Variants in CLOCK observed in about 807,000 individuals in gnomAD.
The protein encoded by CLOCK is circadian locomoter output cycles protein kaput.
A neutral mutation model predicts 118.4 loss-of-function variants in CLOCK; 43 were observed. The observed-to-expected ratio is 0.36, with a 90% CI of 0.28 to 0.47. The LOEUF is 0.47. Ranked by LOEUF, CLOCK falls within the 20% of genes least tolerant of loss-of-function variation. The pLI is 1.00. For synonymous variants in CLOCK, 326 were observed against 339.2 expected, an observed-to-expected ratio of 0.96 and a Z score of 0.43; for missense variants, 846 against 999.9, an observed-to-expected ratio of 0.85 and a Z score of 2.08.
At chr4:55,436,892 C>CTTTA (rs1722917862) in intron 22 of CLOCK, among the ~76,000 whole-genome samples, 1 of 98,366 alleles carries the variant, frequency 1.0e-5, no homozygotes, top group Non-Finnish European at 2.0e-5. Flanking sequence ...TTTGGGATGC[C>CTTTA]TTTTTTTTTT....
intron 2 of CLOCK, among the ~76,000 whole-genome samples, chr4:55,494,004 T>C (rs138996177): frequency 4.7e-4 from 71 of 152,288 alleles, no homozygotes; most frequent in African/African-American, 1.3e-3. Context: ...ATTCAACTAA[T>C]ATATATTTTT....
At chr4:55,469,189 G>A (rs572090858) in intron 8 of CLOCK, among the ~76,000 whole-genome samples, 10 of 150,594 alleles carry the variant, frequency 6.6e-5, no homozygotes, top group African/African-American at 2.4e-4. Flanking sequence ...GCAATGGCTC[G>A]ATCTCGGCTC....
intron 2 of CLOCK, among the ~76,000 whole-genome samples, chr4:55,494,373 G>T (rs1273237366): frequency 6.6e-6 from 1 of 152,182 alleles, no homozygotes; most frequent in Non-Finnish European, 1.5e-5. Flanking sequence ...GGACACTGCA[G>T]ATGTGATTAA....
intron 8 of CLOCK, among the ~76,000 whole-genome samples, chr4:55,464,174 G>C (rs1440440179): frequency 6.6e-6 from 1 of 152,238 alleles, no homozygotes; most frequent in African/African-American, 2.4e-5. Context: ...TACTATAAAG[G>C]ACTATGCACA....
intron 22 of CLOCK, among the ~76,000 whole-genome samples, chr4:55,436,276 GACAA>G (rs1411159576): frequency 6.6e-6 from 1 of 152,172 alleles, no homozygotes; most frequent in Non-Finnish European, 1.5e-5. Context: ...TATAAAGACA[GACAA>G]ACAAAACAAA....
rs1722357215 is a variant in CLOCK, at chr4:55,429,021, T to G, written c.*6394A>C. On this transcript the variant is annotated 3_prime_UTR_variant, in exon 23 of 23. Coordinates refer to ENST00000513440, the MANE Select transcript of CLOCK (RefSeq NM_004898.4). Reference sequence around the variant, plus strand: ...AAAAGACATTTCCTGGCCAATTTTTTTGCTTGAAGATGATTGTCTGGTTAT... The same window carrying G: ...AAAAGACATTTCCTGGCCAATTTTTGTGCTTGAAGATGATTGTCTGGTTAT... 1 of 151,678 alleles carries G rather than the reference T, an allele frequency of 6.6e-6. No individual in the cohort carries two copies. Among genetic ancestry groups the G allele is most frequent in the African/African-American group, 2.4e-5 (1 of 41,264 alleles). The allele number at this position is 151,678 out of a possible 1,614,324, so 9.4% of individuals were successfully genotyped here.
At chr4:55,530,136 C>T (rs1730441966) in intron 1 of CLOCK, among the ~76,000 whole-genome samples, 1 of 152,262 alleles carries the variant, frequency 6.6e-6, no homozygotes, top group Admixed American at 6.5e-5. Flanking sequence ...AAAGGACCTA[C>T]TGAGTCCAGC....
chr4:55,474,508 TC>T (rs1726361315), intron 7 of CLOCK, among the ~76,000 whole-genome samples: 1 of 152,162 alleles, frequency 6.6e-6, no homozygotes, highest in Non-Finnish European at 1.5e-5. Flanking sequence ...TACCAGAGTT[TC>T]AGTGCAGATG....
chr4:55,431,196 TGA>T lies in CLOCK; in HGVS notation c.*4217_*4218del, dbSNP rs890552937. 2.0e-5 allele frequency: 3 copies of T among 152,210 alleles called. No homozygotes were observed. The highest frequency in any genetic ancestry group is 1.9e-4 in the East Asian group (1 of 5,200). 9.4% of individuals were successfully genotyped at this position (152,210 alleles called of 1,614,324 possible). A position where few individuals can be genotyped will look rare whatever the true frequency, so the allele number is the denominator to read the frequency against. On this transcript the variant is annotated 3_prime_UTR_variant, in exon 23 of 23. Coordinates refer to ENST00000513440, the MANE Select transcript of CLOCK (RefSeq NM_004898.4). ...TCCTTCCGTAAAGGATCCCCAGGCA[TGA>T]GAGTTGGGTCTTCTCACCTGTCTCA...
rs973651170 is a variant in CLOCK at position 55,431,163 on chromosome 4, T to C, written c.*4252A>G. 6.6e-6 allele frequency: 1 copy of C among 152,182 alleles called. No individual in the cohort carries two copies. Among genetic ancestry groups the C allele is most frequent in the Non-Finnish European group, 1.5e-5 (1 of 68,014 alleles). 9.4% of individuals were successfully genotyped at this position (152,182 alleles called of 1,614,324 possible). On this transcript the variant is annotated 3_prime_UTR_variant, in exon 23 of 23. Transcript: ENST00000513440. Reference sequence around the variant, plus strand: ...ACTGTGGTATGTTGTTTTAAAAGTGTGTGCTATTCCTTCCGTAAAGGATCC... The same window carrying C: ...ACTGTGGTATGTTGTTTTAAAAGTGCGTGCTATTCCTTCCGTAAAGGATCC...
In CLOCK at chr4:55,442,602, C is replaced by T; in HGVS notation, c.1935G>A (p.Gln645=). The change falls in exon 21 of 23, where the codon CAG becomes CAA. Residue 645 remains glutamine, a synonymous_variant. Coordinates refer to ENST00000513440, the MANE Select transcript of CLOCK (RefSeq NM_004898.4). Reference sequence around the variant, plus strand: ...GTGTCTGACTGGGTAGAGATGTTTGCTGACTGTGCCCACTCAGTACATTTT... The same window carrying T: ...GTGTCTGACTGGGTAGAGATGTTTGTTGACTGTGCCCACTCAGTACATTTT... ...SQQNVLSGHS[Q]QTSLPSQTQS... is the part of the protein sequence containing the mutation. 1 of 1,612,684 alleles carries T rather than the reference C, an allele frequency of 6.2e-7. No homozygotes were observed. The highest frequency in any genetic ancestry group is 8.5e-7 in the Non-Finnish European group (1 of 1,179,784).
chr4:55,441,441 C>T (rs1723360322), intron 21 of CLOCK, among the ~76,000 whole-genome samples: 1 of 152,118 alleles, frequency 6.6e-6, no homozygotes, highest in African/African-American at 2.4e-5. Context: ...ATATGGCTAT[C>T]GCAGTACAGT....
chr4:55,465,942 ACT>A (rs1049994665), intron 8 of CLOCK, among the ~76,000 whole-genome samples: 24 of 134,108 alleles, frequency 1.8e-4, no homozygotes, highest in Admixed American at 5.5e-4. Flanking sequence ...ACAGAATAAG[ACT>A]CTGTCTCAAA....
intron 2 of CLOCK, among the ~76,000 whole-genome samples, chr4:55,505,707 G>T: frequency 6.6e-6 from 1 of 151,348 alleles, no homozygotes; most frequent in Non-Finnish European, 1.5e-5. Flanking sequence ...GTAATTTCCA[G>T]TTTTATACAT....
chr4:55,476,405 T>C lies in CLOCK; in HGVS notation c.257-351A>G, dbSNP rs115266438. The stretch of plus-strand genomic sequence containing the variant: ...GAAGCAATTCTTTTTTTCCTTTTCC[T>C]TCCCTTGCCATTCAAATAGCAATGT... On this transcript the variant is annotated intron_variant, in intron 6 of 22. Transcript: ENST00000513440. Among the ~76,000 whole-genome samples the C allele has an allele frequency of 4.9e-3, 744 of 152,232 alleles. 5 individuals carry two copies. The highest frequency in any genetic ancestry group is 0.017 in the African/African-American group (715 of 41,548).
intron 13 of CLOCK, among the ~76,000 whole-genome samples, chr4:55,454,611 C>T (rs1413305887): frequency 9.8e-5 from 7 of 71,718 alleles, no homozygotes; most frequent in African/African-American, 4.0e-4. Context: ...AGGACTCCAT[C>T]CCAAAAAAAA....
At chr4:55,528,149 C>G (rs959004004) in intron 1 of CLOCK, among the ~76,000 whole-genome samples, 1 of 151,948 alleles carries the variant, frequency 6.6e-6, no homozygotes, top group Non-Finnish European at 1.5e-5. Context: ...GAGTTCAAGA[C>G]CAGCCTGACC....
At chr4:55,524,105 C>T (rs1730017072) in intron 1 of CLOCK, among the ~76,000 whole-genome samples, 1 of 151,876 alleles carries the variant, frequency 6.6e-6, no homozygotes, top group African/African-American at 2.4e-5. Context: ...ATATTCATAC[C>T]CGGCCGGGCA....
intron 22 of CLOCK, among the ~76,000 whole-genome samples, chr4:55,437,453 G>A (rs1722975664): frequency 6.6e-6 from 1 of 152,172 alleles, no homozygotes; most frequent in South Asian, 2.1e-4. Context: ...CTCTGCTGAG[G>A]ATCTTGCCTA....
Sources: allele counts gnomAD v4.1 joint callset (sites outside exome capture counted in the v4.1 genomes callset), GRCh38; gene constraint gnomAD v4.1.1; transcripts MANE v1.5; gene names NCBI Gene and HGNC (gene_info 2026-07-23, HGNC 2026-07-21).